CSNK1G1: variants seen among roughly 807,000 people sequenced by gnomAD.
CSNK1G1 encodes the protein casein kinase 1 gamma 1.
A neutral mutation model predicts 59.6 loss-of-function variants in CSNK1G1; 22 were observed. That is an observed-to-expected ratio of 0.37 (90% CI 0.26 to 0.53). The LOEUF (loss-of-function observed/expected upper bound fraction) is 0.53. Ranked by LOEUF, CSNK1G1 falls within the 20% of genes least tolerant of loss-of-function variation. The pLI is 0.89. For missense variants in CSNK1G1, 384 were observed against 519.5 expected (o/e 0.74, Z 2.54); for synonymous variants, 179 against 177.1 (o/e 1.01, Z -0.08).
chr15:64,259,148 T>C, intron 3 of CSNK1G1, 53 bp downstream of exon 3: 1 of 1,440,504 alleles, frequency 6.9e-7, no homozygotes, highest in Non-Finnish European at 9.5e-7. Context: ...TATAAAAAGA[T>C]ATAAGCAATG....
intron 2 of CSNK1G1, among the ~76,000 whole-genome samples, chr15:64,278,800 C>T (rs1311238442): frequency 6.6e-6 from 1 of 152,154 alleles, no homozygotes; most frequent in African/African-American, 2.4e-5. Flanking sequence ...ATAATGAGAA[C>T]TTCATAGATC....
chr15:64,252,349 C>T (rs895703614), intron 3 of CSNK1G1, among the ~76,000 whole-genome samples: 8 of 151,794 alleles, frequency 5.3e-5, no homozygotes, highest in Non-Finnish European at 4.4e-5. Context: ...TGGCTGGGAC[C>T]ACAAGTGTGT....
chr15:64,169,715 T>C lies in CSNK1G1; in HGVS notation c.*2216A>G, dbSNP rs914176285. The C allele has an allele frequency of 3.9e-5, 6 of 152,214 alleles. No homozygotes were observed. Among genetic ancestry groups the C allele is most frequent in the Non-Finnish European group, 8.8e-5 (6 of 68,036 alleles). The allele number at this position is 152,214 out of a possible 1,614,324, so 9.4% of individuals were successfully genotyped here. On this transcript the variant is annotated 3_prime_UTR_variant, in exon 12 of 12. Coordinates refer to ENST00000303052, the MANE Select transcript of CSNK1G1 (RefSeq NM_022048.5). Reference sequence around the variant, plus strand: ...TAAATCCCAATATTCACAGTCCTTGTGGGGAAGGGGTGTGATATTGTATCT... The same window carrying C: ...TAAATCCCAATATTCACAGTCCTTGCGGGGAAGGGGTGTGATATTGTATCT...
intron 2 of CSNK1G1, among the ~76,000 whole-genome samples, chr15:64,284,928 T>G (rs1011647902): frequency 3.9e-5 from 6 of 152,054 alleles, no homozygotes; most frequent in African/African-American, 1.4e-4. Flanking sequence ...GTATACAAAT[T>G]TTGTGAAAAA....
chr15:64,232,382 T>C (rs1188834573), intron 4 of CSNK1G1, among the ~76,000 whole-genome samples: 1 of 152,248 alleles, frequency 6.6e-6, no homozygotes. Context: ...CAAGGAGTTA[T>C]CTATCTTTAA....
intron 1 of CSNK1G1, among the ~76,000 whole-genome samples, chr15:64,311,672 A>G (rs1318154636): frequency 2.2e-5 from 2 of 92,454 alleles, no homozygotes; most frequent in Non-Finnish European, 4.2e-5. Flanking sequence ...TTTTTTAAAA[A>G]AAGTGAAAAA....
intron 2 of CSNK1G1, among the ~76,000 whole-genome samples, chr15:64,266,263 T>C (rs929235577): frequency 9.9e-5 from 15 of 152,040 alleles, no homozygotes; most frequent in Admixed American, 6.6e-5. Flanking sequence ...GGTTTCACCA[T>C]ATTGGCCAGG....
At chr15:64,183,647 T>G (rs1406750620) in intron 10 of CSNK1G1, among the ~76,000 whole-genome samples, 1 of 152,086 alleles carries the variant, frequency 6.6e-6, no homozygotes, top group Non-Finnish European at 1.5e-5. Context: ...TTAAATACAA[T>G]GATGTTTAGA....
Position 64,212,834 on chromosome 15 carries a change from C to T in CSNK1G1, c.679+1056G>A, listed in dbSNP as rs149274822. Among the ~76,000 whole-genome samples the T allele has an allele frequency of 3.1e-3, 468 of 152,142 alleles. 1 individual carries two copies. Among genetic ancestry groups the T allele is most frequent in the African/African-American group, 0.011 (450 of 41,518 alleles). On this transcript the variant is annotated intron_variant, in intron 6 of 11. Coordinates refer to ENST00000303052, the MANE Select transcript of CSNK1G1 (RefSeq NM_022048.5). The stretch of plus-strand genomic sequence containing the variant: ...CAGCCTGGCCAACATGGTGAAATCC[C>T]GTCTCTATTAAAAGGACAAAAATTA...
intron 4 of CSNK1G1, among the ~76,000 whole-genome samples, chr15:64,233,392 G>A (rs7174675): frequency 1.3e-5 from 2 of 151,866 alleles, no homozygotes; most frequent in Admixed American, 6.6e-5. Context: ...CCTTTCCCCA[G>A]TGCAAAATTC....
At chr15:64,241,922 T>C (rs1299534839) in intron 4 of CSNK1G1, among the ~76,000 whole-genome samples, 3 of 151,266 alleles carry the variant, frequency 2.0e-5, no homozygotes, top group Non-Finnish European at 4.4e-5. Flanking sequence ...AGTTGTTTTT[T>C]TAAAAAAAAA....
chr15:64,308,674 A>C (rs1166689336), intron 1 of CSNK1G1, among the ~76,000 whole-genome samples: 2 of 152,044 alleles, frequency 1.3e-5, no homozygotes, highest in African/African-American at 4.8e-5. Flanking sequence ...AGGCGGGTGG[A>C]TCACGAGGTC....
chr15:64,303,875 G>A (rs185089576), intron 1 of CSNK1G1, among the ~76,000 whole-genome samples: 87 of 147,642 alleles, frequency 5.9e-4, no homozygotes, highest in Middle Eastern at 7.0e-3. Context: ...AGCCATGATC[G>A]TGCCACTGCA....
chr15:64,221,365 A>G (rs530136425), intron 4 of CSNK1G1, among the ~76,000 whole-genome samples: 1 of 152,318 alleles, frequency 6.6e-6, no homozygotes, highest in South Asian at 2.1e-4. Flanking sequence ...CATGTTTACA[A>G]TGAAGTCACA....
intron 2 of CSNK1G1, among the ~76,000 whole-genome samples, chr15:64,262,614 T>C (rs1596179878): frequency 6.6e-6 from 1 of 152,192 alleles, no homozygotes; most frequent in African/African-American, 2.4e-5. Context: ...CTGAGGTATG[T>C]ACCTGTGGGT....
intron 11 of CSNK1G1, among the ~76,000 whole-genome samples, chr15:64,173,409 T>C (rs1330968312): frequency 2.0e-5 from 3 of 152,160 alleles, no homozygotes; most frequent in Non-Finnish European, 4.4e-5. Flanking sequence ...TTGGAAAGAT[T>C]TTCTCTGAAA....
chr15:64,259,483 T>TACACACACACAC (rs59936401), intron 2 of CSNK1G1, among the ~76,000 whole-genome samples: 97 of 139,812 alleles, frequency 6.9e-4, no homozygotes, highest in African/African-American at 1.9e-3. Context: ...AAATCTCTCT[T>TACACACACACAC]ACACACACAC....
intron 6 of CSNK1G1, among the ~76,000 whole-genome samples, chr15:64,209,390 T>G (rs1490929045): frequency 6.6e-6 from 1 of 152,100 alleles, no homozygotes; most frequent in East Asian, 1.9e-4. Context: ...TTGCCTTAAA[T>G]TATAGGGAAT....
chr15:64,309,599 T>C (rs896134848), intron 1 of CSNK1G1, among the ~76,000 whole-genome samples: 6 of 152,182 alleles, frequency 3.9e-5, no homozygotes, highest in Non-Finnish European at 8.8e-5. Context: ...CTGTGATTAG[T>C]GCTATGGTGA....
Sources: allele counts gnomAD v4.1 joint callset (sites outside exome capture counted in the v4.1 genomes callset), GRCh38; gene constraint gnomAD v4.1.1; transcripts MANE v1.5; gene names NCBI Gene and HGNC (gene_info 2026-07-23, HGNC 2026-07-21).